The following TSNARE1 variants were observed in gnomAD, a reference collection of about 807,000 sequenced individuals.
TSNARE1 encodes t-SNARE domain containing 1.
A neutral mutation model predicts 62.0 loss-of-function variants in TSNARE1; 49 were observed. That is an observed-to-expected ratio of 0.79 (90% CI 0.63 to 1.00). The LOEUF is 1.00. Among genes scored for constraint, TSNARE1 ranks in the 50% least tolerant of loss-of-function variants. The pLI is 0.00. For synonymous variants in TSNARE1, 328 were observed against 294.4 expected (o/e 1.11, Z -1.17); for missense variants, 755 against 700.1 (o/e 1.08, Z -0.88).
At chr8:142,311,335 T>C (rs1827593906) in intron 9 of TSNARE1, among the ~76,000 whole-genome samples, 1 of 147,806 alleles carries the variant, frequency 6.8e-6, no homozygotes, top group Non-Finnish European at 1.5e-5. Flanking sequence ...TTTGCTCTTG[T>C]TGCCCAGGCT....
intron 3 of TSNARE1, 104 bp downstream of exon 3, chr8:142,345,639 G>A: frequency 7.3e-7 from 1 of 1,367,890 alleles, no homozygotes. Context: ...CCTGGTCCCA[G>A]CCTCCTCCCT....
chr8:142,280,000 AG>A (rs1821147034), intron 11 of TSNARE1: 1 of 1,182,802 alleles, frequency 8.5e-7, no homozygotes, highest in Admixed American at 4.0e-5. Flanking sequence ...AGCACCTCGC[AG>A]GTCCCGCCAC....
intron 10 of TSNARE1, among the ~76,000 whole-genome samples, chr8:142,294,078 G>C (rs527716498): frequency 1.6e-3 from 248 of 152,276 alleles, no homozygotes; most frequent in African/African-American, 5.8e-3. Flanking sequence ...GGGAGCCCAG[G>C]GAGGGGAGGA....
At chr8:142,371,304 G>A (rs1182920765) in intron 1 of TSNARE1, among the ~76,000 whole-genome samples, 1 of 152,134 alleles carries the variant, frequency 6.6e-6, no homozygotes, top group Non-Finnish European at 1.5e-5. Flanking sequence ...CTTCCATGAA[G>A]GGGGAAAAAA....
rs1823735258 is a variant in TSNARE1, at chr8:142,291,470, G to A, written c.1291-6985C>T. ...GCAGGGCCTTGTCGTTAAACACAGA[G>A]CCTCCATGGAGTCCCAGGATAGAAA... is the stretch of plus-strand genomic sequence containing the variant. On this transcript the variant is annotated intron_variant, in intron 10 of 13. Transcript: ENST00000524325. The surrounding 1 kb of genome is among the most constrained non-coding windows in gnomAD (Gnocchi z 4.8). 6.6e-6 allele frequency among the ~76,000 whole-genome samples: 1 copy of A among 152,116 alleles called. No homozygotes were observed. The highest frequency in any genetic ancestry group is 1.5e-5 in the Non-Finnish European group (1 of 68,022).
intron 1 of TSNARE1, among the ~76,000 whole-genome samples, chr8:142,355,319 G>C (rs1304771135): frequency 6.6e-6 from 1 of 152,260 alleles, no homozygotes; most frequent in African/African-American, 2.4e-5. Context: ...GAGCCATGGG[G>C]CCTCTCTGGG....
chr8:142,244,045 G>A (rs1364596811), intron 12 of TSNARE1, among the ~76,000 whole-genome samples: 5 of 152,180 alleles, frequency 3.3e-5, no homozygotes, highest in Admixed American at 2.0e-4. Context: ...AATTAGCCGG[G>A]CGTGGTGGCA....
intron 12 of TSNARE1, among the ~76,000 whole-genome samples, chr8:142,235,934 G>A (rs926158323): frequency 9.9e-5 from 15 of 152,104 alleles, no homozygotes; most frequent in Non-Finnish European, 1.9e-4. Flanking sequence ...GCACGCAGGA[G>A]GGGCTTCACC....
intron 12 of TSNARE1, among the ~76,000 whole-genome samples, chr8:142,238,889 A>G (rs966424147): frequency 6.6e-6 from 1 of 151,738 alleles, no homozygotes; most frequent in Non-Finnish European, 1.5e-5. Flanking sequence ...CTCAGGTGGC[A>G]TCTCCTCCAG....
At chr8:142,269,549 G>A (rs576420052) in intron 12 of TSNARE1, 535 of 982,966 alleles carry the variant, frequency 5.4e-4, no homozygotes, top group Non-Finnish European at 6.2e-4. Flanking sequence ...GGCTGGTCTC[G>A]AACTCCTGGC....
intron 11 of TSNARE1, among the ~76,000 whole-genome samples, chr8:142,281,756 G>A (rs1186510765): frequency 4.6e-5 from 7 of 152,004 alleles, no homozygotes; most frequent in South Asian, 2.1e-4. Flanking sequence ...CTGGGGAGTC[G>A]GTGGGCCTGG....
intron 1 of TSNARE1, among the ~76,000 whole-genome samples, chr8:142,394,779 C>T (rs1035243176): frequency 6.6e-6 from 1 of 152,202 alleles, no homozygotes; most frequent in African/African-American, 2.4e-5. Flanking sequence ...CGCAGGGTCA[C>T]CGCAGCACTC....
chr8:142,371,457 C>T (rs1191157223), intron 1 of TSNARE1, among the ~76,000 whole-genome samples: 2 of 152,292 alleles, frequency 1.3e-5, no homozygotes, highest in South Asian at 2.1e-4. Flanking sequence ...CACGACTGTA[C>T]AAATTCATCA....
At chr8:142,276,351 G>T in intron 11 of TSNARE1, 1 of 985,472 alleles carries the variant, frequency 1.0e-6, no homozygotes, top group African/African-American at 1.7e-5. Context: ...GGAAGATGGG[G>T]CCAGAGGTGT....
In TSNARE1 at chr8:142,311,289, AGTTT is replaced by A. The variant is rs1379323779; in HGVS notation, c.1131+3091_1131+3094del. 1.5e-4 allele frequency among the ~76,000 whole-genome samples: 10 copies of A among 68,810 alleles called. No individual in the cohort carries two copies. In the East Asian group the frequency reaches 2.6e-3, roughly 18 times the overall value. 45.1% of individuals were successfully genotyped at this position (68,810 alleles called of 152,430 possible). On this transcript the variant is annotated intron_variant, in intron 9 of 13. Transcript: ENST00000524325. Reference sequence around the variant, plus strand: ...GCGATTCTCCTGCCTCAGCCTCTCTAGTTTTTTTTTTTTTTTTTTTTTTTTGAGA... The same window carrying A: ...GCGATTCTCCTGCCTCAGCCTCTCTATTTTTTTTTTTTTTTTTTTTTGAGA...
rs545803269 is a variant in TSNARE1 at position 142,340,072 on chromosome 8, C to T, written c.745+3894G>A. ...GCCAGCACAGGGCTGGGTTTGTGGCCAGGGTCGGGGCCTCATGCTCCAGGA... is the reference window on the plus strand; with the variant it reads ...GCCAGCACAGGGCTGGGTTTGTGGCTAGGGTCGGGGCCTCATGCTCCAGGA... On this transcript the variant is annotated intron_variant, in intron 4 of 13. Transcript: ENST00000524325. Among the ~76,000 whole-genome samples the T allele has an allele frequency of 3.3e-5, 5 of 152,306 alleles. No homozygotes were observed. In the South Asian group the frequency reaches 1.0e-3, roughly 32 times the overall value.
At chr8:142,314,488 T>C (rs777994256) in intron 8 of TSNARE1, 48 bp from the exon 9 acceptor site, 15 of 1,559,662 alleles carry the variant, frequency 9.6e-6, no homozygotes, top group Non-Finnish European at 1.3e-5. Context: ...GCAAAAAGGG[T>C]GGGGAAGGGA....
chr8:142,342,725 C>G (rs2130217923), intron 4 of TSNARE1, among the ~76,000 whole-genome samples: 1 of 152,014 alleles, frequency 6.6e-6, no homozygotes, highest in South Asian at 2.1e-4. Flanking sequence ...GACGCCATGC[C>G]TACGCCCTGC....
intron 12 of TSNARE1, among the ~76,000 whole-genome samples, chr8:142,247,279 G>A (rs1817926235): frequency 6.6e-6 from 1 of 152,238 alleles, no homozygotes; most frequent in Non-Finnish European, 1.5e-5. Context: ...GCTACTGCCC[G>A]AGGCTCGGGG....
Sources: gnomAD v4.1 joint callset for allele counts (sites outside exome capture counted in the v4.1 genomes callset) on GRCh38, gnomAD v4.1.1 for gene constraint, Gnocchi (gnomAD v3.1) non-coding constraint, MANE v1.5 for transcripts, NCBI Gene and HGNC (gene_info 2026-07-23, HGNC 2026-07-21) for gene names.